The following AGO3 variants were observed in gnomAD, a reference collection of about 807,000 sequenced individuals.
AGO3 encodes argonaute RISC catalytic component 3.
A neutral mutation model predicts 105.5 loss-of-function variants in AGO3; 16 were observed. The observed-to-expected ratio is 0.15, with a 90% CI of 0.10 to 0.23. AGO3 has a LOEUF of 0.23. Ranked by LOEUF, AGO3 falls within the 10% of genes least tolerant of loss-of-function variation. The probability of loss-of-function intolerance (pLI) is 1.00; values close to 1 mark genes in which losing one functional copy is unlikely to be tolerated. For missense variants in AGO3, 534 were observed against 1,088.0 expected (o/e 0.49, Z 7.16); for synonymous variants, 340 against 367.3 (o/e 0.93, Z 0.85).
chr1:35,949,890 C>T (rs981580151), intron 2 of AGO3, among the ~76,000 whole-genome samples: 2 of 152,008 alleles, frequency 1.3e-5, no homozygotes, highest in African/African-American at 4.8e-5. Context: ...GGATTACAGG[C>T]ATGAGCCACC....
intron 17 of AGO3, among the ~76,000 whole-genome samples, chr1:36,053,321 C>T (rs1642793432): frequency 6.6e-6 from 1 of 151,652 alleles, no homozygotes; most frequent in Non-Finnish European, 1.5e-5. Context: ...CGCTCTGTCA[C>T]CCAGGCTGGA....
chr1:35,991,070 G>A (rs551624004), intron 5 of AGO3, among the ~76,000 whole-genome samples: 10 of 152,268 alleles, frequency 6.6e-5, no homozygotes, highest in African/African-American at 1.4e-4. Flanking sequence ...ATGGGAGGCC[G>A]AGGTGGGCGG....
chr1:36,040,197 C>G (rs1642188100), intron 15 of AGO3, 110 bp from the exon 16 acceptor site: 1 of 1,268,298 alleles, frequency 7.9e-7, no homozygotes, highest in South Asian at 1.5e-5. Flanking sequence ...AATCTATTAG[C>G]TATAGAGTGG....
At position 36,060,103 on chromosome 1, in the gene AGO3, G is replaced by T. The variant is rs182019833; in HGVS notation, c.*4358G>T. The T allele has an allele frequency of 6.6e-6, 1 of 152,272 alleles. No homozygotes were observed. The allele number at this position is 152,272 out of a possible 1,614,324, so 9.4% of individuals were successfully genotyped here. A position where few individuals can be genotyped will look rare whatever the true frequency, so the allele number is the denominator to read the frequency against. ...AGAGAGTCTAGCAGGGATTCTAGTA[G>T]GAATTACTGAGTGTTTTGGAAGGCA... On this transcript the variant is annotated 3_prime_UTR_variant, in exon 19 of 19. Coordinates refer to ENST00000373191, the MANE Select transcript of AGO3 (RefSeq NM_024852.4).
intron 9 of AGO3, among the ~76,000 whole-genome samples, chr1:36,010,249 T>G (rs1158398205): frequency 6.6e-6 from 1 of 151,444 alleles, no homozygotes; most frequent in African/African-American, 2.4e-5. Flanking sequence ...AATACTAAAA[T>G]TCTTAACACT....
chr1:36,026,022 C>G (rs181291991), intron 11 of AGO3, among the ~76,000 whole-genome samples: 8 of 150,852 alleles, frequency 5.3e-5, no homozygotes, highest in African/African-American at 9.8e-5. Flanking sequence ...GCCTGGGCAA[C>G]AGAGTGAGAC....
intron 17 of AGO3, among the ~76,000 whole-genome samples, chr1:36,048,954 G>A (rs1380770263): frequency 6.6e-6 from 1 of 152,184 alleles, no homozygotes; most frequent in South Asian, 2.1e-4. Context: ...CAATCCACCT[G>A]CCTCATCCTT....
At chr1:35,954,301 A>AATATTCCT (rs1646525515) in intron 2 of AGO3, among the ~76,000 whole-genome samples, 2 of 150,776 alleles carry the variant, frequency 1.3e-5, no homozygotes, top group South Asian at 2.1e-4. Context: ...CCTTTTGACT[A>AATATTCCT]ATATTCCTAT....
At chr1:36,014,790 A>AT (rs1553167202) in intron 11 of AGO3, among the ~76,000 whole-genome samples, 1 of 151,360 alleles carries the variant, frequency 6.6e-6, no homozygotes. Flanking sequence ...AAAAAAAAAA[A>AT]CTTCTCAATA....
intron 2 of AGO3, among the ~76,000 whole-genome samples, chr1:35,965,562 T>TGG (rs1228459053): frequency 6.6e-6 from 1 of 150,618 alleles, no homozygotes. Flanking sequence ...AAACTTAAAA[T>TGG]GGCAGAGAAT....
chr1:36,023,780 G>C (rs1156705259), intron 11 of AGO3, among the ~76,000 whole-genome samples: 2 of 152,180 alleles, frequency 1.3e-5, no homozygotes, highest in Non-Finnish European at 2.9e-5. Flanking sequence ...TACCAGGTGA[G>C]GATTAACTAA....
chr1:35,983,498 G>C (rs631202), intron 5 of AGO3: 15,412 of 152,044 alleles, frequency 0.1, 1,138 homozygotes, highest in African/African-American at 0.2. Flanking sequence ...GCTGAGATGG[G>C]AGGGTGGCTT....
At chr1:36,017,643 G>A (rs1640974083) in intron 11 of AGO3, among the ~76,000 whole-genome samples, 1 of 152,114 alleles carries the variant, frequency 6.6e-6, no homozygotes, top group Non-Finnish European at 1.5e-5. Context: ...GCTCACACCT[G>A]TAATCTGCAA....
At chr1:36,044,893 TG>T (rs1283119009) in intron 17 of AGO3, among the ~76,000 whole-genome samples, 1 of 152,222 alleles carries the variant, frequency 6.6e-6, no homozygotes, top group African/African-American at 2.4e-5. Flanking sequence ...ATTCCCAGGA[TG>T]TCTGAGAGTC....
chr1:36,031,907 G>A (rs1165303285), intron 12 of AGO3, among the ~76,000 whole-genome samples: 1 of 150,404 alleles, frequency 6.6e-6, no homozygotes, highest in Admixed American at 6.6e-5. Context: ...TGGGGGGGCG[G>A]GGGGTGTGTG....
At chr1:36,028,751 G>T (rs1641631471) in intron 12 of AGO3, among the ~76,000 whole-genome samples, 1 of 151,986 alleles carries the variant, frequency 6.6e-6, no homozygotes, top group Non-Finnish European at 1.5e-5. Context: ...AGTCCTTTGG[G>T]TATATACCCA....
chr1:36,022,859 G>T (rs140187992), intron 11 of AGO3, among the ~76,000 whole-genome samples: 4 of 149,636 alleles, frequency 2.7e-5, no homozygotes, highest in African/African-American at 9.9e-5. Context: ...TGGAACCTGG[G>T]AAGCAGAGGT....
intron 5 of AGO3, among the ~76,000 whole-genome samples, chr1:35,989,364 T>C (rs1213165336): frequency 1.3e-5 from 2 of 152,372 alleles, no homozygotes; most frequent in East Asian, 1.9e-4. Flanking sequence ...ATTTTTTGTT[T>C]ACATTTCAAC....
intron 2 of AGO3, among the ~76,000 whole-genome samples, chr1:35,954,677 A>G (rs889849328): frequency 1.3e-5 from 2 of 152,240 alleles, no homozygotes; most frequent in Admixed American, 1.3e-4. Context: ...TCTAGCAATA[A>G]TACAATAGAT....
Sources: gnomAD v4.1 joint callset for allele counts (sites outside exome capture counted in the v4.1 genomes callset) on GRCh38, gnomAD v4.1.1 for gene constraint, MANE v1.5 for transcripts, NCBI Gene and HGNC (gene_info 2026-07-23, HGNC 2026-07-21) for gene names.